Variants in GATA4 observed in about 807,000 individuals in gnomAD.
GATA4 encodes the protein transcription factor GATA-4.
Under a neutral mutation model 37.9 loss-of-function variants are expected in GATA4, and 7 were observed. That is an observed-to-expected ratio of 0.18 (90% CI 0.11 to 0.35). The LOEUF (loss-of-function observed/expected upper bound fraction) is 0.35, where lower values mean the gene tolerates loss of function less well. Among genes scored for constraint, GATA4 ranks in the 10% least tolerant of loss-of-function variants. The pLI is 1.00. For missense variants in GATA4, 647 were observed against 653.0 expected, an observed-to-expected ratio of 0.99 and a Z score of 0.10; for synonymous variants, 372 against 292.6, an observed-to-expected ratio of 1.27 and a Z score of -2.77.
chr8:11,692,565 G>T (rs910292040), upstream of GATA4: 134 of 985,308 alleles, frequency 1.4e-4, no homozygotes, highest in Non-Finnish European at 1.6e-4. Flanking sequence ...TTCGGGCCGC[G>T]GCGGCTCCGC....
chr8:11,759,999 T>C lies in GATA4; in HGVS notation c.*1524T>C, dbSNP rs1174281087. 6.5e-6 allele frequency: 1 copy of C among 152,708 alleles called. No individual in the cohort carries two copies. Among genetic ancestry groups the C allele is most frequent in the East Asian group, 1.9e-4 (1 of 5,206 alleles). 9.5% of individuals were successfully genotyped at this position (152,708 alleles called of 1,614,324 possible). A position where few individuals can be genotyped will look rare whatever the true frequency, so the allele number is the denominator to read the frequency against. The stretch of plus-strand genomic sequence containing the variant: ...ACTAATAAATTTATCTGTATTCCTC[T>C]TTCCCTCGTCCCTTAGTGGTCTTCA... On this transcript the variant is annotated 3_prime_UTR_variant, in exon 7 of 7. Coordinates refer to ENST00000532059, the MANE Select transcript of GATA4 (RefSeq NM_001308093.3).
At chr8:11,731,878 G>A (rs1166693221) in intron 2 of GATA4, among the ~76,000 whole-genome samples, 1 of 152,198 alleles carries the variant, frequency 6.6e-6, no homozygotes, top group African/African-American at 2.4e-5. Flanking sequence ...AGCATTGATG[G>A]ACGATTAGGT....
At position 11,759,786 on chromosome 8, in the gene GATA4, C is replaced by G. The variant is rs1362382914; in HGVS notation, c.*1311C>G. The stretch of plus-strand genomic sequence containing the variant: ...TGTAGCTGACTGTGGCATTACTACG[C>G]CTCCCCACACGCCCAGACCCCTCAC... On this transcript the variant is annotated 3_prime_UTR_variant, in exon 7 of 7. Transcript: ENST00000532059. 1 of 152,296 alleles carries G rather than the reference C, an allele frequency of 6.6e-6. No homozygotes were observed. Among genetic ancestry groups the G allele is most frequent in the Non-Finnish European group, 1.5e-5 (1 of 68,066 alleles). The allele number at this position is 152,296 out of a possible 1,614,324, so 9.4% of individuals were successfully genotyped here.
intron 1 of GATA4, among the ~76,000 whole-genome samples, chr8:11,695,639 C>G (rs529776281): frequency 4.6e-5 from 7 of 152,176 alleles, no homozygotes; most frequent in African/African-American, 1.2e-4. Flanking sequence ...GACTGGTTCT[C>G]TCCGCTTCCC....
chr8:11,681,459 G>C (rs915568424), intron 1 of GATA4: 1 of 981,818 alleles, frequency 1.0e-6, no homozygotes, highest in Non-Finnish European at 1.2e-6. Flanking sequence ...GCCGGAATCC[G>C]GGGCCCGGTC....
intron 2 of GATA4, among the ~76,000 whole-genome samples, chr8:11,745,896 T>C (rs1274831278): frequency 1.3e-5 from 2 of 152,334 alleles, no homozygotes; most frequent in Middle Eastern, 3.4e-3. Flanking sequence ...TAAGACAAGA[T>C]TGACCACAAA....
At chr8:11,745,313 C>G (rs561467985) in intron 2 of GATA4, among the ~76,000 whole-genome samples, 1 of 150,784 alleles carries the variant, frequency 6.6e-6, no homozygotes, top group African/African-American at 2.5e-5. Flanking sequence ...GTGGCTCACG[C>G]CCATAATCCC....
rs955320007 is a variant in GATA4, at chr8:11,741,644, C to G, written c.617-7272C>G. On this transcript the variant is annotated intron_variant, in intron 2 of 6. Transcript: ENST00000532059. Reference sequence around the variant, plus strand: ...CTGATCCTGCATTTTATGGGGAAATCTTTATGCTGTAATTATAGGCCCACA... The same window carrying G: ...CTGATCCTGCATTTTATGGGGAAATGTTTATGCTGTAATTATAGGCCCACA... Among the ~76,000 whole-genome samples, 18 of 152,292 alleles carry G rather than the reference C, an allele frequency of 1.2e-4. 1 individual carries two copies. In the Middle Eastern group the frequency reaches 0.017, roughly 144 times the overall value.
intron 2 of GATA4, among the ~76,000 whole-genome samples, chr8:11,725,269 T>C (rs1439665178): frequency 6.6e-6 from 1 of 152,246 alleles, no homozygotes; most frequent in Non-Finnish European, 1.5e-5. Flanking sequence ...CCAATAGCTT[T>C]ATTTGCTGGG....
intron 2 of GATA4, among the ~76,000 whole-genome samples, chr8:11,712,580 G>A (rs934638987): frequency 6.6e-6 from 1 of 151,960 alleles, no homozygotes; most frequent in Non-Finnish European, 1.5e-5. Flanking sequence ...AAAGAGGCCA[G>A]GTGCAGTGGC....
intron 2 of GATA4, among the ~76,000 whole-genome samples, chr8:11,742,905 C>T (rs1308341486): frequency 1.3e-5 from 2 of 152,268 alleles, no homozygotes; most frequent in Admixed American, 6.5e-5. Flanking sequence ...TGAGACTTTG[C>T]TCTGAAGCCC....
chr8:11,747,344 G>A (rs1802083135), intron 2 of GATA4, among the ~76,000 whole-genome samples: 1 of 152,234 alleles, frequency 6.6e-6, no homozygotes, highest in South Asian at 2.1e-4. Flanking sequence ...TCTGTCAATT[G>A]TAACATTCTG....
intron 1 of GATA4, among the ~76,000 whole-genome samples, chr8:11,684,429 C>G (rs575999081): frequency 6.6e-6 from 1 of 152,302 alleles, no homozygotes; most frequent in African/African-American, 2.4e-5. Flanking sequence ...GATAAAATTT[C>G]TCCTTATAGT....
At chr8:11,697,829 C>T in intron 1 of GATA4, 1 of 985,482 alleles carries the variant, frequency 1.0e-6, no homozygotes, top group South Asian at 4.7e-5. Context: ...GTGGGGCGTT[C>T]CGGCCACCAC....
chr8:11,725,262 A>G (rs1236380286), intron 2 of GATA4, among the ~76,000 whole-genome samples: 1 of 152,226 alleles, frequency 6.6e-6, no homozygotes, highest in East Asian at 1.9e-4. Context: ...TGTTTTCCCA[A>G]TAGCTTTATT....
At chr8:11,740,416 T>A (rs7832153) in intron 2 of GATA4, among the ~76,000 whole-genome samples, 8,945 of 152,222 alleles carry the variant, frequency 0.059, 794 homozygotes, top group African/African-American at 0.19. Context: ...AGGGCTCCCA[T>A]ATTAATCCGG....
intron 2 of GATA4, among the ~76,000 whole-genome samples, chr8:11,736,600 G>A (rs971662195): frequency 1.2e-4 from 19 of 152,348 alleles, no homozygotes; most frequent in African/African-American, 4.3e-4. Context: ...GACCCCGGGG[G>A]GTGTGGATGT....
chr8:11,693,552 C>CAGAGAGAGAGAG (rs1248723269), intron 1 of GATA4, among the ~76,000 whole-genome samples: 3 of 118,304 alleles, frequency 2.5e-5, no homozygotes, highest in Admixed American at 8.8e-5. Flanking sequence ...CACACACACA[C>CAGAGAGAGAGAG]ACACACACAC....
chr8:11,697,923 C>T (rs1185149993), intron 1 of GATA4: 2 of 985,374 alleles, frequency 2.0e-6, no homozygotes, highest in Non-Finnish European at 1.2e-6. Context: ...CACCAGTCCC[C>T]TGATGTGCGC....
Sources: gnomAD v4.1 joint callset for allele counts (sites outside exome capture counted in the v4.1 genomes callset) on GRCh38, gnomAD v4.1.1 for gene constraint, MANE v1.5 for transcripts, NCBI Gene and HGNC (gene_info 2026-07-23, HGNC 2026-07-21) for gene names.